SNTG1: variants seen among roughly 807,000 people sequenced by gnomAD.
SNTG1 encodes syntrophin gamma 1.
Under a neutral mutation model 74.7 loss-of-function variants are expected in SNTG1, and 39 were observed. The ratio of observed to expected loss-of-function variants is 0.52; its 90% CI spans 0.40 to 0.68. The LOEUF (loss-of-function observed/expected upper bound fraction) is 0.68, where lower values mean the gene tolerates loss of function less well. SNTG1 is among the 30% of genes least tolerant of loss of function. The probability of loss-of-function intolerance (pLI) is 0.00; values close to 1 mark genes in which losing one functional copy is unlikely to be tolerated. For missense variants in SNTG1, 685 were observed against 609.5 expected, an observed-to-expected ratio of 1.12 and a Z score of -1.30; for synonymous variants, 254 against 217.1, an observed-to-expected ratio of 1.17 and a Z score of -1.49.
intron 1 of SNTG1, among the ~76,000 whole-genome samples, chr8:50,009,817 G>A (rs1204670950): frequency 6.6e-6 from 1 of 152,122 alleles, no homozygotes; most frequent in Non-Finnish European, 1.5e-5. Flanking sequence ...GGGAAACATG[G>A]CAAAACCCCA....
intron 1 of SNTG1, among the ~76,000 whole-genome samples, chr8:50,149,958 G>A (rs963002183): frequency 2.0e-5 from 3 of 152,210 alleles, no homozygotes; most frequent in Admixed American, 2.0e-4. Context: ...GATGGGGATG[G>A]CATTGAATCT....
intron 15 of SNTG1, among the ~76,000 whole-genome samples, chr8:50,661,681 C>T (rs1419244140): frequency 1.3e-5 from 2 of 152,122 alleles, no homozygotes; most frequent in Admixed American, 1.3e-4. Flanking sequence ...AGGTATTTGT[C>T]CTAATGATGT....
chr8:49,940,443 T>A (rs1253234608), intron 1 of SNTG1, among the ~76,000 whole-genome samples: 2 of 152,196 alleles, frequency 1.3e-5, no homozygotes, highest in African/African-American at 4.8e-5. Context: ...CAGGTGTATC[T>A]TTATTTCTAC....
At chr8:49,940,427 C>T (rs768561310) in intron 1 of SNTG1, among the ~76,000 whole-genome samples, 38 of 152,162 alleles carry the variant, frequency 2.5e-4, no homozygotes, top group Admixed American at 1.2e-3. Context: ...AATTCAGTCA[C>T]AGTGGCAGGT....
chr8:50,464,306 A>G (rs1261058852), intron 8 of SNTG1, among the ~76,000 whole-genome samples: 1 of 152,190 alleles, frequency 6.6e-6, no homozygotes, highest in Non-Finnish European at 1.5e-5. Context: ...CAAGAAGCCT[A>G]CAATTTGCCC....
At chr8:50,036,854 A>T (rs1469657796) in intron 1 of SNTG1, among the ~76,000 whole-genome samples, 1 of 152,236 alleles carries the variant, frequency 6.6e-6, no homozygotes, top group African/African-American at 2.4e-5. Context: ...GTATTCTAAC[A>T]GTAGGCATTG....
At chr8:50,278,286 T>C (rs1446365640) in intron 2 of SNTG1, among the ~76,000 whole-genome samples, 1 of 152,222 alleles carries the variant, frequency 6.6e-6, no homozygotes, top group Non-Finnish European at 1.5e-5. Context: ...TTGAATATAA[T>C]ATTTTTCAAA....
intron 1 of SNTG1, among the ~76,000 whole-genome samples, chr8:50,107,411 A>T (rs1285634386): frequency 1.3e-5 from 2 of 152,170 alleles, no homozygotes; most frequent in Non-Finnish European, 2.9e-5. Flanking sequence ...CAATTTTATA[A>T]AGTAAGGTGT....
At chr8:50,744,335 A>G (rs2095550444) in intron 17 of SNTG1, among the ~76,000 whole-genome samples, 1 of 152,064 alleles carries the variant, frequency 6.6e-6, no homozygotes, top group South Asian at 2.1e-4. Context: ...TTTTATTTAC[A>G]ATAACATAAA....
At chr8:50,152,500 A>C (rs1786292491) in intron 1 of SNTG1, among the ~76,000 whole-genome samples, 2 of 152,152 alleles carry the variant, frequency 1.3e-5, no homozygotes, top group Admixed American at 1.3e-4. Context: ...TCTTCCTAGC[A>C]TCAATGGTCT....
chr8:50,391,144 G>C (rs2092653221), intron 2 of SNTG1, among the ~76,000 whole-genome samples: 1 of 152,154 alleles, frequency 6.6e-6, no homozygotes, highest in Non-Finnish European at 1.5e-5. Flanking sequence ...TCCCTGTCTT[G>C]TGCCAGTTTT....
chr8:50,459,699 A>G (rs1370440020), intron 8 of SNTG1, among the ~76,000 whole-genome samples: 1 of 152,038 alleles, frequency 6.6e-6, no homozygotes, highest in East Asian at 1.9e-4. Context: ...CTCAGTGTCT[A>G]TTGCTGCCAT....
intron 1 of SNTG1, among the ~76,000 whole-genome samples, chr8:50,077,911 G>C (rs1933915007): frequency 6.6e-6 from 1 of 152,110 alleles, no homozygotes; most frequent in Non-Finnish European, 1.5e-5. Flanking sequence ...ATTAAATTGA[G>C]TTGGTATTTT....
chr8:50,721,059 T>G (rs1324818332), intron 17 of SNTG1, among the ~76,000 whole-genome samples: 2 of 152,346 alleles, frequency 1.3e-5, no homozygotes, highest in South Asian at 4.1e-4. Flanking sequence ...GGGGGATTTT[T>G]AACCTTTTTT....
chr8:50,603,858 G>C (rs1367425422), intron 13 of SNTG1, among the ~76,000 whole-genome samples: 1 of 152,138 alleles, frequency 6.6e-6, no homozygotes, highest in African/African-American at 2.4e-5. Context: ...CTTAGAACTG[G>C]AGGATGGGTG....
chr8:50,249,678 G>C (rs147566409), intron 2 of SNTG1, among the ~76,000 whole-genome samples: 1 of 152,228 alleles, frequency 6.6e-6, no homozygotes, highest in Admixed American at 6.5e-5. Context: ...AACTGCTGTA[G>C]CCTAGGCCTA....
At chr8:50,035,897 C>G (rs1416889287) in intron 1 of SNTG1, among the ~76,000 whole-genome samples, 2 of 152,084 alleles carry the variant, frequency 1.3e-5, no homozygotes, top group Non-Finnish European at 1.5e-5. Flanking sequence ...CAGACTGCAC[C>G]TGCCATCACC....
In SNTG1 at chr8:50,763,610, G is replaced by A. The variant is rs187192117; in HGVS notation, c.1395+11499G>A. Reference sequence around the variant, plus strand: ...ACAGTTTGAAGCCAGGTAGTGTGGTGTCTCCAGCTACACTCTTTTGGCTCA... The same window carrying A: ...ACAGTTTGAAGCCAGGTAGTGTGGTATCTCCAGCTACACTCTTTTGGCTCA... On this transcript the variant is annotated intron_variant, in intron 18 of 18. Transcript: ENST00000642720. 6.1e-5 allele frequency among the ~76,000 whole-genome samples: 9 copies of A among 148,640 alleles called. No individual in the cohort carries two copies. The East Asian group carries it at 1.9e-3, about 31-fold the overall frequency.
At chr8:50,637,253 G>T (rs2095045007) in intron 13 of SNTG1, among the ~76,000 whole-genome samples, 2 of 152,054 alleles carry the variant, frequency 1.3e-5, no homozygotes, top group Non-Finnish European at 2.9e-5. Flanking sequence ...GTTTTACGAT[G>T]ATTAAAATTT....
Sources: gnomAD v4.1 joint callset for allele counts (sites outside exome capture counted in the v4.1 genomes callset) on GRCh38, gnomAD v4.1.1 for gene constraint, MANE v1.5 for transcripts, NCBI Gene and HGNC (gene_info 2026-07-23, HGNC 2026-07-21) for gene names.